ZNF385D: variants seen among roughly 807,000 people sequenced by gnomAD.
ZNF385D encodes zinc finger protein 385D.
In ZNF385D, 15 loss-of-function variants were observed where a neutral mutation model predicts 35.8. The observed-to-expected ratio is 0.42, with a 90% CI of 0.28 to 0.64. The LOEUF is 0.64. Among genes scored for constraint, ZNF385D ranks in the 30% least tolerant of loss-of-function variants. The pLI, the probability that ZNF385D is intolerant of heterozygous loss-of-function variation, is 0.23. For missense variants in ZNF385D, 474 were observed against 494.6 expected (o/e 0.96, Z 0.39); for synonymous variants, 212 against 186.8 (o/e 1.13, Z -1.10).
At chr3:22,239,795 A>G (rs549648904) in intron 2 of ZNF385D, among the ~76,000 whole-genome samples, 6 of 150,984 alleles carry the variant, frequency 4.0e-5, no homozygotes, top group Non-Finnish European at 7.4e-5. Flanking sequence ...CAGTTGATGA[A>G]AAAGAAATGA....
At chr3:22,173,242 A>G (rs899164924) in intron 2 of ZNF385D, among the ~76,000 whole-genome samples, 3 of 152,230 alleles carry the variant, frequency 2.0e-5, no homozygotes, top group Admixed American at 6.5e-5. Context: ...GAAATGTGGT[A>G]TCCTGGATGG....
chr3:21,814,612 G>C (rs1009449161), intron 3 of ZNF385D, among the ~76,000 whole-genome samples: 8 of 152,036 alleles, frequency 5.3e-5, no homozygotes, highest in Non-Finnish European at 7.4e-5. Context: ...GTAAAGGGAT[G>C]ATTTCAACAA....
chr3:22,157,041 T>C (rs1705633409), intron 3 of ZNF385D, among the ~76,000 whole-genome samples: 1 of 152,106 alleles, frequency 6.6e-6, no homozygotes, highest in Admixed American at 6.6e-5. Flanking sequence ...AGCTCTCTCC[T>C]CCTTTGGCTT....
At chr3:21,612,172 A>T (rs1285063109) in intron 2 of ZNF385D, among the ~76,000 whole-genome samples, 1 of 152,124 alleles carries the variant, frequency 6.6e-6, no homozygotes, top group Non-Finnish European at 1.5e-5. Flanking sequence ...TCCGCCTCCC[A>T]GGTCCTGGTT....
chr3:22,151,332 T>A (rs776099404), intron 3 of ZNF385D, among the ~76,000 whole-genome samples: 1 of 152,104 alleles, frequency 6.6e-6, no homozygotes, highest in Non-Finnish European at 1.5e-5. Flanking sequence ...AAATGTCTAA[T>A]GTCAGGTGGA....
chr3:21,838,208 G>T (rs1465340545), intron 3 of ZNF385D, among the ~76,000 whole-genome samples: 2 of 152,050 alleles, frequency 1.3e-5, no homozygotes, highest in South Asian at 2.1e-4. Context: ...TGGTAATATG[G>T]AAAATTCAAG....
intron 3 of ZNF385D, among the ~76,000 whole-genome samples, chr3:21,880,762 C>T (rs944560984): frequency 1.3e-5 from 2 of 151,810 alleles, no homozygotes; most frequent in Admixed American, 6.6e-5. Context: ...TCCTGCCAAA[C>T]AGTTAGCAAT....
rs548192096 is a variant in ZNF385D, at chr3:22,024,684, A to T, written c.325+144133T>A. On this transcript the variant is annotated intron_variant, in intron 3 of 5. Transcript: ENST00000494108. ...TTAGAGAGTTATGCAAAATAAATGCATTTGACACTCCTGATTCACCGCTTG... is the reference window on the plus strand; with the variant it reads ...TTAGAGAGTTATGCAAAATAAATGCTTTTGACACTCCTGATTCACCGCTTG... 7.6e-4 allele frequency among the ~76,000 whole-genome samples: 116 copies of T among 152,254 alleles called. 1 individual carries two copies. Among genetic ancestry groups the T allele is most frequent in the African/African-American group, 2.5e-3 (103 of 41,552 alleles).
intron 2 of ZNF385D, among the ~76,000 whole-genome samples, chr3:22,188,417 G>A (rs1304480261): frequency 1.3e-5 from 2 of 151,926 alleles, no homozygotes; most frequent in African/African-American, 2.4e-5. Flanking sequence ...GCAAGTTATT[G>A]TGCGAATGTG....
chr3:21,901,486 G>C (rs888302250), intron 3 of ZNF385D, among the ~76,000 whole-genome samples: 1 of 152,164 alleles, frequency 6.6e-6, no homozygotes, highest in Admixed American at 6.6e-5. Context: ...TGTGGGAGTA[G>C]GATAGTTACA....
rs537795452 is a variant in ZNF385D at position 22,221,454 on chromosome 3, C to T, written c.107-52419G>A. ...TAATTAATTTATATGATAATCTGTA[C>T]GCACATTAAAGTTTGACAAGCATTG... On this transcript the variant is annotated intron_variant, in intron 2 of 5. Coordinates refer to the ZNF385D transcript ENST00000494108. 3.9e-5 allele frequency among the ~76,000 whole-genome samples: 6 copies of T among 152,132 alleles called. No homozygotes were observed. In the South Asian group the frequency reaches 1.0e-3, roughly 26 times the overall value.
intron 3 of ZNF385D, among the ~76,000 whole-genome samples, chr3:22,004,074 A>G (rs1437012996): frequency 2.6e-5 from 4 of 152,144 alleles, no homozygotes; most frequent in Middle Eastern, 3.2e-3. Context: ...GGAACAGAAT[A>G]TATAACCAAA....
Position 21,425,363 on chromosome 3 carries a change from G to T in ZNF385D, c.852+129C>A, listed in dbSNP as rs988894978. On this transcript the variant is annotated intron_variant, in intron 6 of 7. Coordinates refer to ENST00000281523, the MANE Select transcript of ZNF385D (RefSeq NM_024697.3). ...AGATAAGTGGGTTAACAGATGGGCA[G>T]ATGGAGGGATGGATGAATAGATGGG... The T allele has an allele frequency of 7.7e-6, 7 of 909,056 alleles. No homozygotes were observed. The Admixed American group carries it at 2.3e-4, about 29-fold the overall frequency. 56.3% of individuals were successfully genotyped at this position (909,056 alleles called of 1,614,324 possible).
chr3:22,191,379 C>T (rs191398953), intron 2 of ZNF385D, among the ~76,000 whole-genome samples: 17 of 151,718 alleles, frequency 1.1e-4, no homozygotes, highest in African/African-American at 4.1e-4. Flanking sequence ...GCCAGCTACT[C>T]AGGAGGCTGA....
At chr3:21,476,472 G>T (rs943547433) in intron 4 of ZNF385D, among the ~76,000 whole-genome samples, 2 of 151,918 alleles carry the variant, frequency 1.3e-5, no homozygotes, top group African/African-American at 4.8e-5. Context: ...ATGATGTTGA[G>T]CTCAATTATC....
intron 3 of ZNF385D, among the ~76,000 whole-genome samples, chr3:21,538,003 C>T (rs2125552853): frequency 6.6e-6 from 1 of 151,904 alleles, no homozygotes; most frequent in Middle Eastern, 3.4e-3. Flanking sequence ...CAGTCAGATT[C>T]TGGATATATT....
At chr3:21,514,917 G>A (rs1264891751) in intron 3 of ZNF385D, among the ~76,000 whole-genome samples, 1 of 151,962 alleles carries the variant, frequency 6.6e-6, no homozygotes, top group Non-Finnish European at 1.5e-5. Context: ...AATAGCACAT[G>A]ACACCATTAA....
At position 21,603,505 on chromosome 3, in the gene ZNF385D, T is replaced by C. The variant is rs941338090; in HGVS notation, c.166-38821A>G. Among the ~76,000 whole-genome samples the C allele has an allele frequency of 3.9e-5, 6 of 152,346 alleles. No homozygotes were observed. The South Asian group carries it at 1.2e-3, about 32-fold the overall frequency. On this transcript the variant is annotated intron_variant, in intron 2 of 7. Transcript: ENST00000281523. ...ATAGATATTGGTTACATAAGTTATG[T>C]TACATCTGTACAGTTTATATTTTAT...
chr3:21,513,931 C>T (rs1707393325), intron 3 of ZNF385D, among the ~76,000 whole-genome samples: 1 of 152,008 alleles, frequency 6.6e-6, no homozygotes, highest in Non-Finnish European at 1.5e-5. Flanking sequence ...TCTCCTTATC[C>T]CTTTGGGCCA....
Sources: gnomAD v4.1 joint callset for allele counts (sites outside exome capture counted in the v4.1 genomes callset) on GRCh38, gnomAD v4.1.1 for gene constraint, MANE v1.5 for transcripts, NCBI Gene and HGNC (gene_info 2026-07-23, HGNC 2026-07-21) for gene names.